Variants in TRIP12 observed in about 807,000 individuals in gnomAD.
TRIP12 encodes thyroid hormone receptor interactor 12.
TRIP12 carries 25 observed loss-of-function variants against 244.2 expected under a neutral mutation model. The observed-to-expected ratio is 0.10, with a 90% CI of 0.07 to 0.14. TRIP12 has a LOEUF of 0.14. Ranked by LOEUF, TRIP12 falls within the 10% of genes least tolerant of loss-of-function variation. The pLI is 1.00. For missense variants in TRIP12, 1,677 were observed against 2,486.4 expected, an observed-to-expected ratio of 0.67 and a Z score of 6.92; for synonymous variants, 905 against 873.1, an observed-to-expected ratio of 1.04 and a Z score of -0.64.
intron 38 of TRIP12, among the ~76,000 whole-genome samples, chr2:229,773,006 ATT>A (rs764553692): frequency 1.3e-5 from 2 of 152,196 alleles, no homozygotes; most frequent in Non-Finnish European, 2.9e-5. Flanking sequence ...TTAAAATACA[ATT>A]TGTGTTCAAT....
At chr2:229,793,805 T>A (rs540741315) in intron 26 of TRIP12, among the ~76,000 whole-genome samples, 3 of 152,046 alleles carry the variant, frequency 2.0e-5, no homozygotes, top group Admixed American at 1.3e-4. Flanking sequence ...TGGCTTTGTA[T>A]ATAGGCCAAC....
chr2:229,847,550 T>C (rs993165656), intron 4 of TRIP12, among the ~76,000 whole-genome samples: 1 of 152,198 alleles, frequency 6.6e-6, no homozygotes, highest in Admixed American at 6.5e-5. Flanking sequence ...AAGACACTAT[T>C]GTTACAATAC....
At chr2:229,870,813 G>C (rs1485260056) in intron 2 of TRIP12, among the ~76,000 whole-genome samples, 1 of 152,144 alleles carries the variant, frequency 6.6e-6, no homozygotes, top group African/African-American at 2.4e-5. Context: ...GGAAAGTTAA[G>C]TTGATTGGTA....
At chr2:229,790,148 A>C (rs1423475526) in intron 30 of TRIP12, among the ~76,000 whole-genome samples, 3 of 152,222 alleles carry the variant, frequency 2.0e-5, no homozygotes, top group African/African-American at 7.2e-5. Context: ...AACTAGATGA[A>C]TACCTCAAAA....
chr2:229,773,122 C>T (rs2035052167), intron 38 of TRIP12, among the ~76,000 whole-genome samples: 1 of 151,562 alleles, frequency 6.6e-6, no homozygotes, highest in Non-Finnish European at 1.5e-5. Flanking sequence ...GTTGCCCAAG[C>T]CAGAGTGCAG....
intron 1 of TRIP12, among the ~76,000 whole-genome samples, chr2:229,903,595 T>C (rs565604640): frequency 8.4e-4 from 128 of 152,160 alleles, no homozygotes; most frequent in African/African-American, 3.0e-3. Context: ...ACTCTTCCCA[T>C]TGGGCTGCCA....
At chr2:229,860,244 A>T (rs1165456068) in intron 3 of TRIP12, among the ~76,000 whole-genome samples, 162 bp downstream of exon 3, 1 of 152,240 alleles carries the variant, frequency 6.6e-6, no homozygotes, top group Non-Finnish European at 1.5e-5. Flanking sequence ...ATACTGCACT[A>T]ATCACTGCAA....
At chr2:229,915,221 C>G (rs1238620001) in intron 1 of TRIP12, among the ~76,000 whole-genome samples, 1 of 152,066 alleles carries the variant, frequency 6.6e-6, no homozygotes, top group Admixed American at 6.6e-5. Flanking sequence ...CCACTGCACT[C>G]CAATCTGGAC....
intron 4 of TRIP12, 70 bp downstream of exon 4, chr2:229,858,702 G>C: frequency 7.4e-7 from 1 of 1,354,080 alleles, no homozygotes; most frequent in Non-Finnish European, 1.0e-6. Context: ...TAACTTTAAA[G>C]CATAATTGCT....
At chr2:229,886,364 A>G (rs772919460) in intron 1 of TRIP12, among the ~76,000 whole-genome samples, 4 of 150,224 alleles carry the variant, frequency 2.7e-5, no homozygotes, top group Non-Finnish European at 6.0e-5. Flanking sequence ...TGAGTGCAAG[A>G]GAAAGGGCTA....
At chr2:229,912,892 CAG>C (rs1157421587) in intron 1 of TRIP12, among the ~76,000 whole-genome samples, 13 of 152,264 alleles carry the variant, frequency 8.5e-5, no homozygotes, top group Admixed American at 6.5e-5. Context: ...TTTTTTGAGA[CAG>C]AGTCTCACTC....
chr2:229,918,982 C>G (rs2075999320), intron 1 of TRIP12, among the ~76,000 whole-genome samples: 1 of 152,184 alleles, frequency 6.6e-6, no homozygotes. Flanking sequence ...GGTTAAGTGA[C>G]TAGCTCAAGG....
chr2:229,905,757 C>G (rs1382108169), intron 1 of TRIP12, among the ~76,000 whole-genome samples: 1 of 152,030 alleles, frequency 6.6e-6, no homozygotes, highest in Admixed American at 6.6e-5. Context: ...GAGGGTGTAG[C>G]TCACAGTGCC....
In TRIP12 at chr2:229,860,257, G is replaced by T. The variant is rs2060244279; in HGVS notation, c.224+149C>A. The T allele has an allele frequency of 9.3e-6, 9 of 962,968 alleles. No individual in the cohort carries two copies. In the Admixed American group the frequency reaches 1.0e-4, roughly 11 times the overall value. 59.7% of individuals were successfully genotyped at this position (962,968 alleles called of 1,614,324 possible). On this transcript the variant is annotated intron_variant, in intron 3 of 41. Coordinates refer to ENST00000675903, the MANE Select transcript of TRIP12 (RefSeq NM_001348323.3). ...GTATACTGCACTAATCACTGCAAAG[G>T]TGATAAACTGTCAATCCTAAAAGTT...
intron 2 of TRIP12, among the ~76,000 whole-genome samples, chr2:229,877,694 T>A (rs1371410170): frequency 6.6e-6 from 1 of 152,216 alleles, no homozygotes; most frequent in Non-Finnish European, 1.5e-5. Flanking sequence ...AGGATTAATA[T>A]GCATAAAACC....
chr2:229,812,026 T>A (rs1479006405), intron 13 of TRIP12, among the ~76,000 whole-genome samples: 1 of 152,230 alleles, frequency 6.6e-6, no homozygotes. Context: ...GAACTGATTA[T>A]CACATAACAG....
At position 229,860,399 on chromosome 2, in the gene TRIP12, G is replaced by A; in HGVS notation, c.224+7C>T. On this transcript the variant is annotated splice_region_variant and intron_variant, in intron 3 of 41. Transcript: ENST00000675903. ...CTTGAAAATGTATAAGCAACATGAA[G>A]ATTTACCTTTTAGAAAGGTGTCCCC... is the stretch of plus-strand genomic sequence containing the variant. 1 of 1,591,748 alleles carries A rather than the reference G, an allele frequency of 6.3e-7. No homozygotes were observed.
intron 1 of TRIP12, among the ~76,000 whole-genome samples, chr2:229,912,211 T>C (rs570460151): frequency 2.1e-4 from 32 of 152,336 alleles, no homozygotes; most frequent in African/African-American, 7.5e-4. Flanking sequence ...CAAGAAGTTT[T>C]ACCTTCACTA....
chr2:229,817,445 T>C (rs1017599288), intron 9 of TRIP12, among the ~76,000 whole-genome samples: 1 of 152,206 alleles, frequency 6.6e-6, no homozygotes, highest in Non-Finnish European at 1.5e-5. Context: ...GGTGCCTACA[T>C]TTGATAATGG....
Sources: gnomAD v4.1 joint callset for allele counts (sites outside exome capture counted in the v4.1 genomes callset) on GRCh38, gnomAD v4.1.1 for gene constraint, MANE v1.5 for transcripts, NCBI Gene and HGNC (gene_info 2026-07-23, HGNC 2026-07-21) for gene names.